ZDHHC14: variants seen among roughly 807,000 people sequenced by gnomAD.
ZDHHC14 encodes the protein zDHHC palmitoyltransferase 14.
In ZDHHC14, 16 loss-of-function variants were observed where a neutral mutation model predicts 47.7. That is an observed-to-expected ratio of 0.34 (90% CI 0.23 to 0.51). The LOEUF is 0.51. ZDHHC14 is among the 20% of genes least tolerant of loss of function. The probability of loss-of-function intolerance (pLI) is 0.97; values close to 1 mark genes in which losing one functional copy is unlikely to be tolerated. For synonymous variants in ZDHHC14, 293 were observed against 278.9 expected (o/e 1.05, Z -0.50); for missense variants, 515 against 662.5 (o/e 0.78, Z 2.44).
At chr6:157,385,040 C>T (rs1381160766) in intron 1 of ZDHHC14, among the ~76,000 whole-genome samples, 1 of 152,222 alleles carries the variant, frequency 6.6e-6, no homozygotes, top group Non-Finnish European at 1.5e-5. Context: ...CCTTGGCCTC[C>T]CAAAGTGCTG....
At chr6:157,464,909 C>T (rs41501546) in intron 1 of ZDHHC14, among the ~76,000 whole-genome samples, 7,072 of 152,156 alleles carry the variant, frequency 0.046, 548 homozygotes, top group African/African-American at 0.16. Context: ...GCTGTGGCTT[C>T]GTCGCAGCAG....
intron 3 of ZDHHC14, among the ~76,000 whole-genome samples, chr6:157,614,076 G>A (rs573369670): frequency 1.0e-3 from 158 of 152,282 alleles, no homozygotes; most frequent in African/African-American, 3.4e-3. Context: ...GGCAGCTCTT[G>A]GCAAGCCCCC....
chr6:157,517,961 G>A (rs143451490), intron 1 of ZDHHC14, among the ~76,000 whole-genome samples: 1 of 152,184 alleles, frequency 6.6e-6, no homozygotes, highest in South Asian at 2.1e-4. Flanking sequence ...CTGAGAAAGG[G>A]TCAGTTGTAA....
chr6:157,577,630 A>C (rs1195334593), intron 2 of ZDHHC14, among the ~76,000 whole-genome samples: 2 of 152,090 alleles, frequency 1.3e-5, no homozygotes, highest in African/African-American at 4.8e-5. Flanking sequence ...GCTCACTGCA[A>C]CCTCCACCTC....
intron 2 of ZDHHC14, among the ~76,000 whole-genome samples, chr6:157,579,190 GTTTT>G (rs1187065924): frequency 7.0e-4 from 45 of 63,960 alleles, no homozygotes; most frequent in African/African-American, 2.3e-3. Context: ...TTGATTCTGT[GTTTT>G]TTTTTTTTTT....
intron 1 of ZDHHC14, among the ~76,000 whole-genome samples, chr6:157,467,683 G>T (rs939940282): frequency 6.6e-6 from 1 of 151,988 alleles, no homozygotes; most frequent in Non-Finnish European, 1.5e-5. Flanking sequence ...GCAAGTAGCT[G>T]GAATTACAGG....
At chr6:157,567,664 A>G (rs1451754313) in intron 2 of ZDHHC14, among the ~76,000 whole-genome samples, 1 of 152,154 alleles carries the variant, frequency 6.6e-6, no homozygotes, top group African/African-American at 2.4e-5. Flanking sequence ...TAAAAATACA[A>G]AAATTAGCCA....
chr6:157,650,359 TG>T (rs1196154194), intron 7 of ZDHHC14, among the ~76,000 whole-genome samples: 2 of 147,952 alleles, frequency 1.4e-5, no homozygotes, highest in Non-Finnish European at 3.0e-5. Context: ...ATGTCAGGAG[TG>T]GGGGGCGAAG....
chr6:157,603,357 A>G (rs1203636466), intron 3 of ZDHHC14, among the ~76,000 whole-genome samples: 1 of 152,232 alleles, frequency 6.6e-6, no homozygotes, highest in Non-Finnish European at 1.5e-5. Context: ...AGCACTCAGG[A>G]TGGTCATTTT....
intron 1 of ZDHHC14, among the ~76,000 whole-genome samples, chr6:157,385,746 A>C (rs1286622502): frequency 2.0e-5 from 3 of 152,250 alleles, no homozygotes; most frequent in Non-Finnish European, 4.4e-5. Flanking sequence ...ATTAGTGGGA[A>C]GGCTTCTGGC....
intron 1 of ZDHHC14, among the ~76,000 whole-genome samples, chr6:157,508,859 T>A (rs1341791433): frequency 6.6e-6 from 1 of 152,250 alleles, no homozygotes; most frequent in African/African-American, 2.4e-5. Flanking sequence ...TGTTCTTTTT[T>A]AGTGTCCTGT....
At chr6:157,473,121 CTATT>C (rs1261930428) in intron 1 of ZDHHC14, among the ~76,000 whole-genome samples, 6 of 152,182 alleles carry the variant, frequency 3.9e-5, no homozygotes, top group Non-Finnish European at 8.8e-5. Flanking sequence ...TGAAATCAGA[CTATT>C]TAACACATAT....
intron 7 of ZDHHC14, 96 bp from the exon 8 acceptor site, chr6:157,653,429 G>A: frequency 1.5e-6 from 2 of 1,327,468 alleles, no homozygotes; most frequent in Admixed American, 1.8e-5. Context: ...GCCTGTCACG[G>A]GAAGAGGGAG....
intron 1 of ZDHHC14, among the ~76,000 whole-genome samples, chr6:157,421,488 G>A (rs188874069): frequency 0.055 from 2,952 of 53,858 alleles, 58 homozygotes; most frequent in Middle Eastern, 0.12. Context: ...GCCAGACTCC[G>A]TCTCAAAAAA....
intron 2 of ZDHHC14, among the ~76,000 whole-genome samples, chr6:157,583,309 G>C (rs1184444804): frequency 1.3e-5 from 2 of 152,156 alleles, no homozygotes; most frequent in Non-Finnish European, 2.9e-5. Context: ...TGAGTTGCCA[G>C]AGTTCTTGGG....
intron 2 of ZDHHC14, among the ~76,000 whole-genome samples, chr6:157,577,296 G>A (rs962925862): frequency 2.6e-5 from 4 of 152,158 alleles, no homozygotes; most frequent in Non-Finnish European, 5.9e-5. Context: ...CCATGCCTTT[G>A]CTATTGTGAA....
At chr6:157,389,097 GATAGCATC>G (rs1233910191) in intron 1 of ZDHHC14, among the ~76,000 whole-genome samples, 1 of 151,950 alleles carries the variant, frequency 6.6e-6, no homozygotes, top group East Asian at 1.9e-4. Context: ...TTTAACATAA[GATAGCATC>G]ATAGCATAGT....
chr6:157,559,658 C>T (rs1204072791), intron 2 of ZDHHC14, among the ~76,000 whole-genome samples: 1 of 152,204 alleles, frequency 6.6e-6, no homozygotes, highest in African/African-American at 2.4e-5. Flanking sequence ...ATTGTTTTCA[C>T]TGTTTTGTTT....
chr6:157,646,167 A>T (rs1016837418), intron 6 of ZDHHC14: 1 of 210,552 alleles, frequency 4.7e-6, no homozygotes, highest in Non-Finnish European at 9.4e-6. Flanking sequence ...CCCCTGGTAG[A>T]GACCATGGCG....
Sources: allele counts gnomAD v4.1 joint callset (sites outside exome capture counted in the v4.1 genomes callset), GRCh38; gene constraint gnomAD v4.1.1; transcripts MANE v1.5; gene names NCBI Gene and HGNC (gene_info 2026-07-23, HGNC 2026-07-21).